Variants in PRSS3 observed in about 807,000 individuals in gnomAD.
The protein encoded by PRSS3 is serine protease 3, also known as trypsin-3.
PRSS3 carries 14 observed loss-of-function variants against 20.8 expected under a neutral mutation model. The observed-to-expected ratio is 0.67, with a 90% confidence interval of 0.44 to 1.05. PRSS3 has a LOEUF of 1.05. PRSS3 is among the 50% of genes least tolerant of loss of function. The probability of loss-of-function intolerance (pLI) is 0.00; values close to 1 mark genes in which losing one functional copy is unlikely to be tolerated. For missense variants in PRSS3, 237 were observed against 306.4 expected, an observed-to-expected ratio of 0.77 and a Z score of 1.69; for synonymous variants, 91 against 117.6, an observed-to-expected ratio of 0.77 and a Z score of 1.46.
intron 1 of PRSS3, among the ~76,000 whole-genome samples, chr9:33,790,172 T>A (rs1024113430): frequency 4.6e-5 from 7 of 152,188 alleles, no homozygotes; most frequent in African/African-American, 1.2e-4. Context: ...ACATAAAAAA[T>A]TTGTGGTATT....
At chr9:33,795,705 C>G (rs370216620) in intron 1 of PRSS3, 92 bp downstream of exon 1, 9 of 1,145,764 alleles carry the variant, frequency 7.9e-6, no homozygotes, top group South Asian at 5.3e-5. Context: ...CTTTTGACTG[C>G]GCTCTGATAT....
intron 4 of PRSS3, 31 bp downstream of exon 4, chr9:33,798,653 C>T (rs368483602): frequency 1.9e-6 from 3 of 1,613,326 alleles, no homozygotes; most frequent in African/African-American, 2.7e-5. Flanking sequence ...GCTGAGGCTC[C>T]CACCGATACC....
Position 33,798,067 on chromosome 9 carries a change from ACT to A in PRSS3, c.442_443del (p.Leu148GlufsTer5). ...TECLISGWGN[T>X]LSFGADYPDE... is the part of the protein sequence containing the mutation. ...GTGCCTCATCTCCGGCTGGGGCAAC[ACT>A]CTGAGCTTTGGTGGTGAGTGGGACC... On this transcript the variant is annotated frameshift_variant, in exon 3 of 5. Coordinates refer to ENST00000379405, the MANE Select transcript of PRSS3 (RefSeq NM_002771.4). LOFTEE classifies it high-confidence loss of function. 6.2e-7 allele frequency: 1 copy of A among 1,614,168 alleles called. No homozygotes were observed. Among genetic ancestry groups the A allele is most frequent in the Non-Finnish European group, 8.5e-7 (1 of 1,180,022 alleles).
At chr9:33,794,298 A>G (rs1824792880), upstream of PRSS3, among the ~76,000 whole-genome samples, 1 of 152,156 alleles carries the variant, frequency 6.6e-6, no homozygotes, top group Non-Finnish European at 1.5e-5. Context: ...CACCAACCTG[A>G]GCTCAGAGTT....
At chr9:33,754,601 G>A (rs1490917031) in intron 1 of PRSS3, among the ~76,000 whole-genome samples, 7 of 151,926 alleles carry the variant, frequency 4.6e-5, no homozygotes, top group Middle Eastern at 3.4e-3. Flanking sequence ...AGGTCAAGGC[G>A]GGTGGATCAC....
intron 1 of PRSS3, among the ~76,000 whole-genome samples, chr9:33,767,261 C>T (rs1406917347): frequency 6.6e-6 from 1 of 151,634 alleles, no homozygotes; most frequent in Admixed American, 6.6e-5. Context: ...TCGAGACCAG[C>T]CTGGCCCGAC....
In PRSS3 at chr9:33,750,969, G is replaced by A; in HGVS notation, c.-53+242G>A. ...CTGGTGTCGCAGAAGCCCACCTGGG[G>A]CCCCCTCCGGGCTGCGGCACCGATG... On this transcript the variant is annotated intron_variant, in intron 1 of 5. Coordinates refer to the PRSS3 transcript ENST00000342836. The surrounding 1 kb of genome is among the most constrained non-coding windows in gnomAD (Gnocchi z 4.8). The A allele has an allele frequency of 1.0e-6, 1 of 980,718 alleles. No homozygotes were observed. The allele number at this position is 980,718 out of a possible 1,614,324, so 60.8% of individuals were successfully genotyped here.
chr9:33,798,972 AGCTATATTCCTC>A lies in PRSS3; in HGVS notation c.592-55_592-44del. ...GTCTTTTAAGGTTCACAGTAAATGT[AGCTATATTCCTC>A]CTCCATCTCTCTCTTTATACAACTT... On this transcript the variant is annotated intron_variant, in intron 4 of 4. Coordinates refer to ENST00000379405, the MANE Select transcript of PRSS3 (RefSeq NM_002771.4). The A allele has an allele frequency of 2.5e-6, 4 of 1,582,312 alleles. No individual in the cohort carries two copies. In the East Asian group the frequency reaches 6.7e-5, roughly 27 times the overall value.
Position 33,796,653 on chromosome 9 carries a change from C to A in PRSS3, c.51C>A (p.Pro17=). The change falls in exon 2 of 5, where the codon CCC becomes CCA. Residue 17 remains proline (P), a synonymous_variant. Transcript: ENST00000379405. Reference sequence around the variant, plus strand: ...CTATTTCCACTCCAGTTGCTGTCCCCTTTGACGATGATGACAAGATTGTTG... The same window carrying A: ...CTATTTCCACTCCAGTTGCTGTCCCATTTGACGATGATGACAAGATTGTTG... The part of the protein sequence containing the change: ...LAFVGAAVAV[P]FDDDDKIVGG... The A allele has an allele frequency of 6.2e-7, 1 of 1,613,946 alleles. No individual in the cohort carries two copies. The highest frequency in any genetic ancestry group is 8.5e-7 in the Non-Finnish European group (1 of 1,179,852).
chr9:33,761,303 C>T (rs1823192483), intron 1 of PRSS3, among the ~76,000 whole-genome samples: 1 of 152,172 alleles, frequency 6.6e-6, no homozygotes, highest in Non-Finnish European at 1.5e-5. Flanking sequence ...GCGCTTTTTC[C>T]AAGAATTGAC....
chr9:33,791,196 C>G (rs2119062742), upstream of PRSS3, among the ~76,000 whole-genome samples: 1 of 152,292 alleles, frequency 6.6e-6, no homozygotes, highest in South Asian at 2.1e-4. Flanking sequence ...GCTGCCTTAC[C>G]CAAGACTGGG....
At chr9:33,790,584 C>T (rs1023800339), upstream of PRSS3, among the ~76,000 whole-genome samples, 95 of 152,304 alleles carry the variant, frequency 6.2e-4, no homozygotes, top group Non-Finnish European at 2.4e-4. Flanking sequence ...TTCCACTCTA[C>T]GTAAAAGCAC....
At chr9:33,765,033 C>T (rs1440581987) in intron 1 of PRSS3, among the ~76,000 whole-genome samples, 1 of 152,186 alleles carries the variant, frequency 6.6e-6, no homozygotes, top group Non-Finnish European at 1.5e-5. Flanking sequence ...AACTCTAATA[C>T]ATTGCTGGTG....
At chr9:33,760,287 TG>T (rs1019307551) in intron 1 of PRSS3, among the ~76,000 whole-genome samples, 3 of 152,050 alleles carry the variant, frequency 2.0e-5, no homozygotes, top group Non-Finnish European at 4.4e-5. Flanking sequence ...ACTGCTTCTT[TG>T]TAGGTAATAG....
At chr9:33,775,599 G>A (rs1823885672) in intron 1 of PRSS3, among the ~76,000 whole-genome samples, 2 of 151,646 alleles carry the variant, frequency 1.3e-5, no homozygotes, top group Non-Finnish European at 2.9e-5. Context: ...AGACCTGAGA[G>A]AGCCCAGCAA....
At chr9:33,774,676 G>C (rs1203955067) in intron 1 of PRSS3, among the ~76,000 whole-genome samples, 3 of 152,076 alleles carry the variant, frequency 2.0e-5, no homozygotes, top group African/African-American at 7.2e-5. Context: ...AATTTTTTAT[G>C]TTCAAAGGAG....
chr9:33,760,854 C>T (rs1459103944), intron 1 of PRSS3, among the ~76,000 whole-genome samples: 1 of 151,948 alleles, frequency 6.6e-6, no homozygotes, highest in Non-Finnish European at 1.5e-5. Context: ...TATTCTGACT[C>T]AGTGGCCAGT....
At chr9:33,789,183 G>T (rs533519431) in intron 1 of PRSS3, among the ~76,000 whole-genome samples, 6 of 152,250 alleles carry the variant, frequency 3.9e-5, no homozygotes, top group Middle Eastern at 6.8e-3. Context: ...ACTCAGGGTG[G>T]CCTATTTCCT....
chr9:33,760,723 G>A lies in PRSS3; in HGVS notation c.-53+9996G>A, dbSNP rs143455107. Among the ~76,000 whole-genome samples the A allele has an allele frequency of 7.8e-3, 1,090 of 140,536 alleles. 5 individuals are homozygous for A. The highest frequency in any genetic ancestry group is 0.017 in the Middle Eastern group (4 of 236). 92.2% of individuals were successfully genotyped at this position (140,536 alleles called of 152,430 possible). A position where few individuals can be genotyped will look rare whatever the true frequency, so the allele number is the denominator to read the frequency against. ...ATCATGCCACTGCACTCCAGTCTGG[G>A]GGACACAGCAAGACTCTGTCACAAA... is the stretch of plus-strand genomic sequence containing the variant. On this transcript the variant is annotated intron_variant, in intron 1 of 5. Coordinates refer to the PRSS3 transcript ENST00000342836.
Sources: gnomAD v4.1 joint callset for allele counts (sites outside exome capture counted in the v4.1 genomes callset) on GRCh38, gnomAD v4.1.1 for gene constraint, Gnocchi (gnomAD v3.1) non-coding constraint, MANE v1.5 for transcripts, NCBI Gene and HGNC (gene_info 2026-07-23, HGNC 2026-07-21) for gene names.